Variants in SLC38A11 observed in about 807,000 individuals in gnomAD.
The protein encoded by SLC38A11 is solute carrier family 38 member 11.
A neutral mutation model predicts 49.4 loss-of-function variants in SLC38A11; 51 were observed. That is an observed-to-expected ratio of 1.03 (90% CI 0.83 to 1.30). The LOEUF is 1.30. Ranked by LOEUF, SLC38A11 falls within the 50% of genes most tolerant of loss-of-function variation. SLC38A11 has a pLI of 0.00. For missense variants in SLC38A11, 574 were observed against 556.2 expected (o/e 1.03, Z -0.32); for synonymous variants, 203 against 192.9 (o/e 1.05, Z -0.43).
chr2:164,950,281 A>G (rs917013959), intron 3 of SLC38A11: 7 of 152,178 alleles, frequency 4.6e-5, no homozygotes, highest in Non-Finnish European at 4.4e-5. Context: ...ATTTATATAC[A>G]ATTTATATAC....
intron 11 of SLC38A11, among the ~76,000 whole-genome samples, chr2:164,900,711 A>C (rs1684595393): frequency 6.6e-6 from 1 of 152,110 alleles, no homozygotes; most frequent in Admixed American, 6.6e-5. Flanking sequence ...ACCCTTTATC[A>C]GTTAGATGGT....
chr2:164,954,611 AC>A lies in SLC38A11; in HGVS notation c.154+19del. ...TTTTGCCCTTTCACTTAAAATTTAA[AC>A]CAAAGCAAATACACTTACCTATTAT... is the stretch of plus-strand genomic sequence containing the variant. On this transcript the variant is annotated intron_variant, in intron 2 of 11. Coordinates refer to ENST00000685975, the MANE Select transcript of SLC38A11 (RefSeq NM_001351537.2). 1 of 1,319,744 alleles carries A rather than the reference AC, an allele frequency of 7.6e-7. No individual in the cohort carries two copies. The highest frequency in any genetic ancestry group is 1.0e-6 in the Non-Finnish European group (1 of 978,100). 81.8% of individuals were successfully genotyped at this position (1,319,744 alleles called of 1,614,324 possible).
At chr2:164,938,588 C>G (rs1361633265) in intron 6 of SLC38A11, among the ~76,000 whole-genome samples, 1 of 152,152 alleles carries the variant, frequency 6.6e-6, no homozygotes, top group Non-Finnish European at 1.5e-5. Context: ...TTTTGATACA[C>G]TCTTGTTTGT....
At chr2:164,942,832 G>C (rs1023672067) in intron 5 of SLC38A11, among the ~76,000 whole-genome samples, 1 of 152,118 alleles carries the variant, frequency 6.6e-6, no homozygotes, top group Non-Finnish European at 1.5e-5. Flanking sequence ...CACCTCTTTT[G>C]CTTCACACAA....
chr2:164,944,249 A>G (rs538375000), intron 5 of SLC38A11, among the ~76,000 whole-genome samples: 100 of 152,362 alleles, frequency 6.6e-4, no homozygotes, highest in African/African-American at 2.3e-3. Flanking sequence ...TATTTAAGAA[A>G]TCACATAGTT....
At chr2:164,942,108 G>A (rs533576934) in intron 5 of SLC38A11, among the ~76,000 whole-genome samples, 1 of 152,088 alleles carries the variant, frequency 6.6e-6, no homozygotes, top group South Asian at 2.1e-4. Context: ...TTTCGAATAG[G>A]AAAATACAGT....
chr2:164,935,773 T>C (rs1008061006), intron 7 of SLC38A11, among the ~76,000 whole-genome samples: 1 of 152,154 alleles, frequency 6.6e-6, no homozygotes, highest in Non-Finnish European at 1.5e-5. Flanking sequence ...GCCTTAACTC[T>C]CACTGTGCTG....
At chr2:164,913,250 G>T (rs1685525892) in intron 9 of SLC38A11, among the ~76,000 whole-genome samples, 1 of 151,756 alleles carries the variant, frequency 6.6e-6, no homozygotes, top group South Asian at 2.1e-4. Flanking sequence ...AAAGTAAGGT[G>T]GCAGAAACCT....
intron 7 of SLC38A11, among the ~76,000 whole-genome samples, chr2:164,918,881 C>T (rs559350030): frequency 1.6e-4 from 25 of 151,858 alleles, no homozygotes; most frequent in Non-Finnish European, 3.4e-4. Flanking sequence ...ATGATTTTAA[C>T]GTCATGTTAA....
chr2:164,947,002 C>T (rs1688156978), intron 3 of SLC38A11, among the ~76,000 whole-genome samples: 1 of 151,676 alleles, frequency 6.6e-6, no homozygotes, highest in Non-Finnish European at 1.5e-5. Context: ...CTCCTTTGGC[C>T]TTTGTGACAT....
chr2:164,952,065 G>A (rs1688560644), intron 3 of SLC38A11, among the ~76,000 whole-genome samples: 4 of 152,118 alleles, frequency 2.6e-5, no homozygotes, highest in Admixed American at 2.6e-4. Flanking sequence ...GACAAGGCGG[G>A]GACGAGGACA....
rs116522747 is a variant in SLC38A11, at chr2:164,899,581, G to C, written c.1096-851C>G. The stretch of plus-strand genomic sequence containing the variant: ...GTAATATGTTTTTCTAATTACGTTA[G>C]ATTTTAATTATAGTATATTTAACAA... On this transcript the variant is annotated intron_variant, in intron 11 of 11. Coordinates refer to ENST00000685975, the MANE Select transcript of SLC38A11 (RefSeq NM_001351537.2). Among the ~76,000 whole-genome samples the C allele has an allele frequency of 2.1e-3, 321 of 152,120 alleles. 1 individual carries two copies. Among genetic ancestry groups the C allele is most frequent in the Non-Finnish European group, 4.0e-3 (275 of 67,934 alleles).
chr2:164,913,144 A>G (rs990028837), intron 9 of SLC38A11, among the ~76,000 whole-genome samples: 2 of 151,978 alleles, frequency 1.3e-5, no homozygotes, highest in African/African-American at 4.8e-5. Flanking sequence ...TCTTCCCAAG[A>G]TTTACTTTAA....
chr2:164,928,515 T>C (rs967649328), intron 7 of SLC38A11, among the ~76,000 whole-genome samples: 5 of 152,194 alleles, frequency 3.3e-5, no homozygotes, highest in Non-Finnish European at 7.3e-5. Flanking sequence ...GTAATGGGTA[T>C]ATAGTGTGAA....
Position 164,921,890 on chromosome 2 carries a change from T to A in SLC38A11, c.618-5917A>T, listed in dbSNP as rs116271375. Among the ~76,000 whole-genome samples, 878 of 152,290 alleles carry A rather than the reference T, an allele frequency of 5.8e-3. 6 individuals carry two copies. The highest frequency in any genetic ancestry group is 7.8e-3 in the Non-Finnish European group (533 of 68,014). The stretch of plus-strand genomic sequence containing the variant: ...CACTTTTACAATTAATTACTTCCCT[T>A]ACCCTGGAAAATCTAAACAAATGCT... On this transcript the variant is annotated intron_variant, in intron 7 of 11. Coordinates refer to ENST00000685975, the MANE Select transcript of SLC38A11 (RefSeq NM_001351537.2).
At chr2:164,917,747 G>C (rs939130561) in intron 7 of SLC38A11, among the ~76,000 whole-genome samples, 1 of 152,078 alleles carries the variant, frequency 6.6e-6, no homozygotes, top group Admixed American at 6.6e-5. Flanking sequence ...ACAGATTGTG[G>C]TGGTGTCCTA....
intron 7 of SLC38A11, among the ~76,000 whole-genome samples, chr2:164,928,733 C>T (rs1394172430): frequency 2.0e-5 from 3 of 151,978 alleles, no homozygotes; most frequent in Admixed American, 1.3e-4. Flanking sequence ...TGAACCTACT[C>T]CTATTTACCG....
Position 164,902,130 on chromosome 2 carries a change from G to C in SLC38A11, c.1096-3400C>G, listed in dbSNP as rs369488212. 9.9e-4 allele frequency among the ~76,000 whole-genome samples: 148 copies of C among 149,208 alleles called. 6 individuals carry two copies. In the South Asian group the frequency reaches 0.031, roughly 31 times the overall value. On this transcript the variant is annotated intron_variant, in intron 11 of 11. Transcript: ENST00000685975. ...TTCAGCTTTGATCTCCCAAGCTCAA[G>C]TGATCCTCCCACCTCAGCATCCTGA...
Position 164,898,603 on chromosome 2 carries a change from A to G in SLC38A11, c.1223T>C (p.Val408Ala). Residue 408 changes from valine to alanine, a missense_variant, in exon 12 of 12, where the codon GTG (valine) becomes GCG (alanine). Val to Ala is a moderately conservative substitution (Grantham distance 64). Transcript: ENST00000685975. ...AGCCATGACGAATCCAAAAACCATC[A>G]CCACAGCACCAATGGGAAGCATGAC... is the stretch of plus-strand genomic sequence containing the variant. ...SCVMLPIGAVVMVFGFVMAIT... is the reference protein window; with the variant it reads ...SCVMLPIGAVAMVFGFVMAIT... The G allele has an allele frequency of 6.2e-7, 1 of 1,613,570 alleles. No homozygotes were observed. The highest frequency in any genetic ancestry group is 1.1e-5 in the South Asian group (1 of 91,062).
Sources: gnomAD v4.1 joint callset for allele counts (sites outside exome capture counted in the v4.1 genomes callset) on GRCh38, gnomAD v4.1.1 for gene constraint, MANE v1.5 for transcripts, NCBI Gene and HGNC (gene_info 2026-07-23, HGNC 2026-07-21) for gene names.